GABRG1: variants seen among roughly 807,000 people sequenced by gnomAD.
GABRG1 encodes the protein gamma-aminobutyric acid type A receptor subunit gamma1, also known as gamma-aminobutyric acid receptor subunit gamma-1.
Under a neutral mutation model 49.8 loss-of-function variants are expected in GABRG1, and 49 were observed. The ratio of observed to expected loss-of-function variants is 0.98; its 90% CI spans 0.78 to 1.25. The LOEUF is 1.25. Ranked by LOEUF, GABRG1 falls within the 50% of genes most tolerant of loss-of-function variation. The pLI, the probability that GABRG1 is intolerant of heterozygous loss-of-function variation, is 0.00. For missense variants in GABRG1, 552 were observed against 552.3 expected (o/e 1.00, Z 0.01); for synonymous variants, 232 against 185.1 (o/e 1.25, Z -2.06).
chr4:46,079,229 AC>A (rs1577652235), intron 3 of GABRG1, among the ~76,000 whole-genome samples: 2 of 151,916 alleles, frequency 1.3e-5, no homozygotes, highest in Admixed American at 6.6e-5. Flanking sequence ...CCTACTGCTC[AC>A]CCCTTTGTAG....
At chr4:46,080,821 C>T (rs1037424283) in intron 3 of GABRG1, among the ~76,000 whole-genome samples, 3 of 151,786 alleles carry the variant, frequency 2.0e-5, no homozygotes, top group Non-Finnish European at 4.4e-5. Context: ...CTCAAACAGG[C>T]TTCTTTTCTC....
chr4:46,053,978 G>A (rs1718345905), intron 7 of GABRG1, among the ~76,000 whole-genome samples: 1 of 109,242 alleles, frequency 9.2e-6, no homozygotes, highest in Non-Finnish European at 1.9e-5. Flanking sequence ...TCCTACAATA[G>A]TCTCCCATCG....
intron 5 of GABRG1, 32 bp downstream of exon 5, chr4:46,064,409 T>A (rs1212130183): frequency 8.5e-7 from 1 of 1,181,888 alleles, no homozygotes; most frequent in Non-Finnish European, 1.2e-6. Context: ...AGGTTAAAAT[T>A]CTATGAAATT....
rs537387569 is a variant in GABRG1 at position 46,066,253 on chromosome 4, G to A, written c.322-669C>T. On this transcript the variant is annotated intron_variant, in intron 3 of 8. Transcript: ENST00000295452. Reference sequence around the variant, plus strand: ...CACATAAACAAAAAAGAAACTAGACGCAAAAAACAACCAAATTTTTTAAGA... The same window carrying A: ...CACATAAACAAAAAAGAAACTAGACACAAAAAACAACCAAATTTTTTAAGA... 3.9e-5 allele frequency among the ~76,000 whole-genome samples: 6 copies of A among 152,052 alleles called. No homozygotes were observed. The East Asian group carries it at 5.8e-4, about 15-fold the overall frequency.
In GABRG1 at chr4:46,039,029, CTG is replaced by C. The variant is rs1717651509; in HGVS notation, c.*1957_*1958del. ...ACTTGAAAGAGTCCCAAAATCAAAA[CTG>C]TCTCATGATAGTAAGCTATAGCTTC... On this transcript the variant is annotated 3_prime_UTR_variant, in exon 9 of 9. Transcript: ENST00000295452. 1 of 151,686 alleles carries C rather than the reference CTG, an allele frequency of 6.6e-6. No homozygotes were observed. The highest frequency in any genetic ancestry group is 1.5e-5 in the Non-Finnish European group (1 of 67,718). 9.4% of individuals were successfully genotyped at this position (151,686 alleles called of 1,614,324 possible). A position where few individuals can be genotyped will look rare whatever the true frequency, so the allele number is the denominator to read the frequency against.
chr4:46,046,197 A>T (rs1195968430), intron 8 of GABRG1, among the ~76,000 whole-genome samples: 1 of 152,096 alleles, frequency 6.6e-6, no homozygotes, highest in Non-Finnish European at 1.5e-5. Flanking sequence ...TAATTTTTTT[A>T]AATGGGAATT....
intron 5 of GABRG1, among the ~76,000 whole-genome samples, chr4:46,060,581 A>G (rs963964675): frequency 6.6e-6 from 1 of 152,182 alleles, no homozygotes; most frequent in Non-Finnish European, 1.5e-5. Context: ...TTGGTAGCAC[A>G]TTACATAAAC....
intron 1 of GABRG1, among the ~76,000 whole-genome samples, chr4:46,117,728 A>ATATACACATATACATACATG (rs1560377074): frequency 2.8e-5 from 4 of 144,520 alleles, no homozygotes; most frequent in Non-Finnish European, 4.6e-5. Context: ...ATACATATAC[A>ATATACACATATACATACATG]TATATACATA....
chr4:46,108,687 A>C (rs1375877280), intron 1 of GABRG1, among the ~76,000 whole-genome samples: 1 of 150,802 alleles, frequency 6.6e-6, no homozygotes, highest in African/African-American at 2.4e-5. Context: ...CTAAGTTAGC[A>C]CTCAATTATT....
At chr4:46,097,159 T>C (rs1340348228) in intron 2 of GABRG1, 42 bp downstream of exon 2, 1 of 1,541,214 alleles carries the variant, frequency 6.5e-7, no homozygotes, top group South Asian at 1.2e-5. Flanking sequence ...TAATGATATG[T>C]TTAATGGTCA....
At chr4:46,076,365 A>ATATC (rs1719329295) in intron 3 of GABRG1, among the ~76,000 whole-genome samples, 1 of 80,996 alleles carries the variant, frequency 1.2e-5, no homozygotes. Flanking sequence ...TCATGTTCAT[A>ATATC]TATATATATA....
intron 2 of GABRG1, among the ~76,000 whole-genome samples, chr4:46,085,965 C>T (rs978351329): frequency 6.6e-6 from 1 of 151,460 alleles, no homozygotes; most frequent in Non-Finnish European, 1.5e-5. Flanking sequence ...TGAAAGTAAG[C>T]ACAGACTATG....
intron 8 of GABRG1, among the ~76,000 whole-genome samples, chr4:46,044,258 A>G (rs1434542418): frequency 1.3e-5 from 2 of 152,128 alleles, no homozygotes; most frequent in African/African-American, 2.4e-5. Context: ...AGATTTCTTG[A>G]GCCCAGGAGT....
At position 46,084,198 on chromosome 4, in the gene GABRG1, A is replaced by T; in HGVS notation, c.254-145T>A. On this transcript the variant is annotated intron_variant, in intron 2 of 8. Transcript: ENST00000295452. Reference sequence around the variant, plus strand: ...CTTTTATTATGAAATGCAGAAATGTAGCCTTTATAAAAAACAATCTTTTTG... The same window carrying T: ...CTTTTATTATGAAATGCAGAAATGTTGCCTTTATAAAAAACAATCTTTTTG... 8.5e-6 allele frequency: 5 copies of T among 591,574 alleles called. No individual in the cohort carries two copies. The South Asian group carries it at 1.1e-4, about 13-fold the overall frequency. The allele number at this position is 591,574 out of a possible 1,614,324, so 36.6% of individuals were successfully genotyped here. A position where few individuals can be genotyped will look rare whatever the true frequency, so the allele number is the denominator to read the frequency against.
chr4:46,106,740 T>C (rs1720560259), intron 1 of GABRG1, among the ~76,000 whole-genome samples: 1 of 151,114 alleles, frequency 6.6e-6, no homozygotes, highest in Non-Finnish European at 1.5e-5. Flanking sequence ...CAGTTCATTT[T>C]CAGTCATTTT....
intron 3 of GABRG1, among the ~76,000 whole-genome samples, chr4:46,077,857 G>A (rs931931868): frequency 4.0e-5 from 6 of 151,348 alleles, no homozygotes; most frequent in Non-Finnish European, 8.9e-5. Context: ...AAATTATTTT[G>A]ATAATTTTTA....
chr4:46,086,280 A>C (rs1719749592), intron 2 of GABRG1, among the ~76,000 whole-genome samples: 1 of 151,668 alleles, frequency 6.6e-6, no homozygotes, highest in Non-Finnish European at 1.5e-5. Flanking sequence ...AAAAAGAAAA[A>C]AGCTGTGTGA....
Position 46,039,372 on chromosome 4 carries a change from A to C in GABRG1, c.*1616T>G, listed in dbSNP as rs1388559787. On this transcript the variant is annotated 3_prime_UTR_variant, in exon 9 of 9. Coordinates refer to ENST00000295452, the MANE Select transcript of GABRG1 (RefSeq NM_173536.4). ...GGGAACACACAGTAAATTATAAATA[A>C]ATTAATTAAAAATTTAAAAAACTAG... 6.6e-6 allele frequency: 1 copy of C among 151,684 alleles called. No individual in the cohort carries two copies. Among genetic ancestry groups the C allele is most frequent in the African/African-American group, 2.4e-5 (1 of 41,398 alleles). 9.4% of individuals were successfully genotyped at this position (151,684 alleles called of 1,614,324 possible). A position where few individuals can be genotyped will look rare whatever the true frequency, so the allele number is the denominator to read the frequency against.
chr4:46,105,802 T>C (rs1720515820), intron 1 of GABRG1, among the ~76,000 whole-genome samples: 1 of 138,924 alleles, frequency 7.2e-6, no homozygotes, highest in Non-Finnish European at 1.5e-5. Context: ...GATAGATAGA[T>C]AGATAGATAG....
Sources: allele counts gnomAD v4.1 joint callset (sites outside exome capture counted in the v4.1 genomes callset), GRCh38; gene constraint gnomAD v4.1.1; transcripts MANE v1.5; gene names NCBI Gene and HGNC (gene_info 2026-07-23, HGNC 2026-07-21).